The following ATP6V0A4 variants were observed in gnomAD, a reference collection of about 807,000 sequenced individuals.
The protein encoded by ATP6V0A4 is V-type proton ATPase 116 kDa subunit a 4.
ATP6V0A4 carries 86 observed loss-of-function variants against 107.3 expected under a neutral mutation model. That is an observed-to-expected ratio of 0.80 (90% CI 0.67 to 0.96). The LOEUF (loss-of-function observed/expected upper bound fraction) is 0.96. ATP6V0A4 is among the 40% of genes least tolerant of loss of function. The pLI, the probability that ATP6V0A4 is intolerant of heterozygous loss-of-function variation, is 0.00. For synonymous variants in ATP6V0A4, 353 were observed against 381.4 expected, an observed-to-expected ratio of 0.93 and a Z score of 0.87; for missense variants, 908 against 1,045.6, an observed-to-expected ratio of 0.87 and a Z score of 1.81.
intron 8 of ATP6V0A4, among the ~76,000 whole-genome samples, chr7:138,759,050 C>CTTTTTTTTTTTTTTT: frequency 1.1e-5 from 1 of 91,926 alleles, no homozygotes; most frequent in South Asian, 4.4e-4. Flanking sequence ...CATGCCCAGC[C>CTTTTTTTTTTTTTTT]TATTTTTTTT....
At chr7:138,771,056 A>G in intron 3 of ATP6V0A4, 75 bp downstream of exon 3, 2 of 1,382,520 alleles carry the variant, frequency 1.4e-6, no homozygotes, top group East Asian at 4.6e-5. Flanking sequence ...ATTGTTCACC[A>G]TAAAGAAGTG....
At position 138,739,541 on chromosome 7, in the gene ATP6V0A4, G is replaced by A. The variant is rs121908368; in HGVS notation, c.1571C>T (p.Pro524Leu). 11 of 1,613,928 alleles carry A rather than the reference G, an allele frequency of 6.8e-6. No individual in the cohort carries two copies. Among genetic ancestry groups the A allele is most frequent in the Admixed American group, 5.0e-5 (3 of 59,990 alleles). ...FGNPYPFGID[P>L]IWNLASNKLT... is the part of the protein sequence containing the mutation. ...TTTAACCCAAGAAGACATTATTACCGGATCAATCCCAAACGGGTATGGATT... is the reference window on the plus strand; with the variant it reads ...TTTAACCCAAGAAGACATTATTACCAGATCAATCCCAAACGGGTATGGATT... Residue 524 changes from proline to leucine, a missense_variant and splice_region_variant, in exon 15 of 22, where the codon CCG becomes CTG. Transcript: ENST00000310018.
chr7:138,774,695 T>C (rs2117346846), intron 2 of ATP6V0A4, among the ~76,000 whole-genome samples: 1 of 45,128 alleles, frequency 2.2e-5, no homozygotes, highest in South Asian at 9.0e-4. Context: ...TATACACATA[T>C]GTATATACGT....
chr7:138,753,521 C>G (rs1004116338), intron 10 of ATP6V0A4, among the ~76,000 whole-genome samples: 2 of 152,178 alleles, frequency 1.3e-5, no homozygotes, highest in African/African-American at 2.4e-5. Flanking sequence ...CTACCACAAC[C>G]CTTTACATAC....
At chr7:138,716,578 G>GTC (rs887633879) in intron 19 of ATP6V0A4, among the ~76,000 whole-genome samples, 3 of 136,658 alleles carry the variant, frequency 2.2e-5, no homozygotes, top group Admixed American at 1.7e-4. Context: ...TTTTTTTTGG[G>GTC]GGGGGGGGAG....
At chr7:138,745,962 A>ATGT (rs1195420210) in intron 13 of ATP6V0A4, among the ~76,000 whole-genome samples, 1 of 65,682 alleles carries the variant, frequency 1.5e-5, no homozygotes, top group Non-Finnish European at 2.6e-5. Context: ...AAAAAAAAAA[A>ATGT]ATATATATAT....
intron 11 of ATP6V0A4, among the ~76,000 whole-genome samples, chr7:138,751,866 G>T (rs1806244191): frequency 1.3e-5 from 2 of 152,244 alleles, no homozygotes; most frequent in South Asian, 4.1e-4. Context: ...AGCTGGGCAT[G>T]GTGGCGCGTG....
intron 14 of ATP6V0A4, among the ~76,000 whole-genome samples, chr7:138,742,593 C>T (rs746219617): frequency 2.0e-4 from 30 of 152,062 alleles, no homozygotes; most frequent in Non-Finnish European, 8.8e-5. Context: ...AGTGCCATCA[C>T]GGTTCATTGC....
chr7:138,722,744 CAAAAAAAA>C (rs71169049), intron 18 of ATP6V0A4, among the ~76,000 whole-genome samples: 1,883 of 33,366 alleles, frequency 0.056, 18 homozygotes, highest in Admixed American at 0.082. Flanking sequence ...GACTCCATCT[CAAAAAAAA>C]AAAAAAAAAA....
chr7:138,760,260 A>G (rs1295203906), intron 7 of ATP6V0A4, among the ~76,000 whole-genome samples: 1 of 152,062 alleles, frequency 6.6e-6, no homozygotes, highest in Admixed American at 6.6e-5. Context: ...CCTGGCCAAC[A>G]TGCTGAAACC....
intron 14 of ATP6V0A4, among the ~76,000 whole-genome samples, chr7:138,744,600 T>C (rs1805816036): frequency 6.6e-6 from 1 of 152,192 alleles, no homozygotes; most frequent in South Asian, 2.1e-4. Context: ...ATGGTGTGAT[T>C]GTAGCTCATG....
At chr7:138,737,493 G>T (rs1805398505) in intron 15 of ATP6V0A4, among the ~76,000 whole-genome samples, 1 of 151,864 alleles carries the variant, frequency 6.6e-6, no homozygotes, top group South Asian at 2.1e-4. Context: ...GACTAATACA[G>T]ACGTGTTCTG....
In ATP6V0A4 at chr7:138,747,186, A is replaced by G. The variant is rs188921113; in HGVS notation, c.1320+239T>C. ...CAGAGTTAGAAAAAATATATAATGAAAAAGAAAAATCGATGCCTTATCAAG... is the reference window on the plus strand; with the variant it reads ...CAGAGTTAGAAAAAATATATAATGAGAAAGAAAAATCGATGCCTTATCAAG... On this transcript the variant is annotated intron_variant, in intron 13 of 21. Transcript: ENST00000310018. Among the ~76,000 whole-genome samples, 5 of 152,298 alleles carry G rather than the reference A, an allele frequency of 3.3e-5. No homozygotes were observed. In the East Asian group the frequency reaches 7.7e-4, roughly 24 times the overall value.
intron 19 of ATP6V0A4, among the ~76,000 whole-genome samples, chr7:138,721,050 G>T (rs1328036540): frequency 6.6e-6 from 1 of 152,170 alleles, no homozygotes; most frequent in Non-Finnish European, 1.5e-5. Context: ...CAGAGCTCCG[G>T]TTAAAGCCTC....
intron 16 of ATP6V0A4, among the ~76,000 whole-genome samples, chr7:138,733,422 T>C (rs1805132495): frequency 6.6e-6 from 1 of 151,486 alleles, no homozygotes; most frequent in Non-Finnish European, 1.5e-5. Context: ...TAGCTCAGAG[T>C]TGCACATTTA....
chr7:138,755,563 A>T, intron 10 of ATP6V0A4, 126 bp downstream of exon 10: 1 of 1,290,146 alleles, frequency 7.8e-7, no homozygotes, highest in South Asian at 1.3e-5. Flanking sequence ...CCACAACCAG[A>T]AAGGCATAGC....
chr7:138,787,589 C>G (rs1156756221), intron 1 of ATP6V0A4, among the ~76,000 whole-genome samples: 1 of 152,056 alleles, frequency 6.6e-6, no homozygotes, highest in Non-Finnish European at 1.5e-5. Context: ...GAGTTCGAGG[C>G]TGTAATACAC....
At chr7:138,724,307 G>A (rs1030983501) in intron 18 of ATP6V0A4, among the ~76,000 whole-genome samples, 6 of 152,192 alleles carry the variant, frequency 3.9e-5, no homozygotes, top group African/African-American at 1.4e-4. Context: ...ATGGCAGCAT[G>A]GGAGCTGGCC....
At chr7:138,707,548 C>T (rs1304974208) in intron 21 of ATP6V0A4, among the ~76,000 whole-genome samples, 10 of 148,512 alleles carry the variant, frequency 6.7e-5, no homozygotes, top group Admixed American at 6.3e-4. Context: ...ATTACAGATG[C>T]CCACCACCAT....
Sources: gnomAD v4.1 joint callset for allele counts (sites outside exome capture counted in the v4.1 genomes callset) on GRCh38, gnomAD v4.1.1 for gene constraint, MANE v1.5 for transcripts, NCBI Gene and HGNC (gene_info 2026-07-23, HGNC 2026-07-21) for gene names.